CADM2: variants seen among roughly 807,000 people sequenced by gnomAD.
CADM2 encodes the protein immunoglobulin superfamily member 4D.
CADM2 carries 12 observed loss-of-function variants against 49.8 expected under a neutral mutation model. That is an observed-to-expected ratio of 0.24 (90% CI 0.15 to 0.39). CADM2 has a LOEUF of 0.39. Ranked by LOEUF, CADM2 falls within the 10% of genes least tolerant of loss-of-function variation. The pLI, the probability that CADM2 is intolerant of heterozygous loss-of-function variation, is 1.00. For missense variants in CADM2, 378 were observed against 492.3 expected (o/e 0.77, Z 2.20); for synonymous variants, 214 against 175.4 (o/e 1.22, Z -1.74).
At chr3:85,744,176 G>T (rs1384483897) in intron 2 of CADM2, among the ~76,000 whole-genome samples, 3 of 152,108 alleles carry the variant, frequency 2.0e-5, no homozygotes, top group Non-Finnish European at 2.9e-5. Context: ...GGAACTCATG[G>T]AGAGTACAAT....
chr3:85,952,167 G>A (rs1329658431), intron 7 of CADM2, among the ~76,000 whole-genome samples: 1 of 150,866 alleles, frequency 6.6e-6, no homozygotes, highest in African/African-American at 2.4e-5. Context: ...TTATTGGACA[G>A]GAGAAAATCA....
intron 1 of CADM2, among the ~76,000 whole-genome samples, chr3:85,720,042 T>C (rs964441156): frequency 7.2e-5 from 11 of 152,138 alleles, no homozygotes; most frequent in African/African-American, 2.4e-4. Context: ...AATGTTCAAC[T>C]CAAGATCCAC....
intron 1 of CADM2, among the ~76,000 whole-genome samples, chr3:85,395,064 C>T (rs1258894441): frequency 6.6e-6 from 1 of 151,370 alleles, no homozygotes; most frequent in East Asian, 1.9e-4. Context: ...TGCTGGGAAA[C>T]ACAACAACCC....
chr3:85,638,077 A>T (rs2064572586), intron 1 of CADM2, among the ~76,000 whole-genome samples: 1 of 152,184 alleles, frequency 6.6e-6, no homozygotes, highest in Non-Finnish European at 1.5e-5. Flanking sequence ...CCCTTAACAC[A>T]TCAGCATAGT....
intron 6 of CADM2, among the ~76,000 whole-genome samples, chr3:85,919,547 T>C (rs1718826557): frequency 6.6e-6 from 1 of 151,928 alleles, no homozygotes; most frequent in South Asian, 2.1e-4. Context: ...TAAAATTATA[T>C]CTTTTTAAGG....
intron 1 of CADM2, among the ~76,000 whole-genome samples, chr3:85,005,170 C>G (rs1017962239): frequency 6.6e-6 from 1 of 152,158 alleles, no homozygotes; most frequent in Admixed American, 6.6e-5. Context: ...ATTTGGCAAA[C>G]TTTTCCTTAA....
intron 1 of CADM2, among the ~76,000 whole-genome samples, chr3:85,294,838 TAGA>T (rs1377043597): frequency 2.0e-5 from 3 of 152,138 alleles, no homozygotes; most frequent in East Asian, 1.9e-4. Context: ...ATAAAAACCC[TAGA>T]AGAATACCTA....
At chr3:85,904,223 C>G (rs1716497417) in intron 5 of CADM2, among the ~76,000 whole-genome samples, 1 of 152,148 alleles carries the variant, frequency 6.6e-6, no homozygotes, top group Admixed American at 6.5e-5. Context: ...GGATTGAAAT[C>G]TCCCCTCTAT....
intron 2 of CADM2, among the ~76,000 whole-genome samples, chr3:85,730,356 C>T (rs1481466149): frequency 1.3e-5 from 2 of 152,098 alleles, no homozygotes; most frequent in Admixed American, 1.3e-4. Flanking sequence ...GCAGGAGAAT[C>T]TCTTGACCCA....
At chr3:85,689,523 C>T (rs887180701) in intron 1 of CADM2, among the ~76,000 whole-genome samples, 11 of 151,984 alleles carry the variant, frequency 7.2e-5, no homozygotes, top group Non-Finnish European at 1.5e-4. Flanking sequence ...CTGATCAGGA[C>T]GGTTTACCAG....
At chr3:85,704,907 G>C (rs2066893793) in intron 1 of CADM2, among the ~76,000 whole-genome samples, 1 of 149,738 alleles carries the variant, frequency 6.7e-6, no homozygotes, top group South Asian at 2.1e-4. Context: ...CGTCCAGGCT[G>C]GAGTGCAGTG....
At position 85,171,591 on chromosome 3, in the gene CADM2, T is replaced by C. The variant is rs534254508; in HGVS notation, c.61+211923T>C. On this transcript the variant is annotated intron_variant, in intron 1 of 9. Coordinates refer to ENST00000383699, the MANE Select transcript of CADM2 (RefSeq NM_001167675.2). The stretch of plus-strand genomic sequence containing the variant: ...ACACAGAAAGGCTTAACTCACTGGC[T>C]TACTGAGGCATAATGTAGAGATCGT... 3.9e-5 allele frequency among the ~76,000 whole-genome samples: 6 copies of C among 152,344 alleles called. No homozygotes were observed. In the South Asian group the frequency reaches 1.2e-3, roughly 32 times the overall value.
intron 2 of CADM2, among the ~76,000 whole-genome samples, chr3:85,752,051 A>G (rs1343109378): frequency 6.6e-6 from 1 of 150,750 alleles, no homozygotes; most frequent in Admixed American, 6.6e-5. Flanking sequence ...GATGTTTAAC[A>G]AAGAAGTGGA....
intron 1 of CADM2, among the ~76,000 whole-genome samples, chr3:85,152,753 C>T (rs910678885): frequency 3.3e-5 from 5 of 151,868 alleles, no homozygotes; most frequent in African/African-American, 4.8e-5. Context: ...GTCAGGAGAT[C>T]GAGACCATCC....
intron 1 of CADM2, among the ~76,000 whole-genome samples, chr3:85,322,253 C>A (rs990902850): frequency 3.9e-5 from 6 of 152,102 alleles, no homozygotes; most frequent in Non-Finnish European, 8.8e-5. Flanking sequence ...TTGCTTAATT[C>A]TTGTTGTTAT....
At chr3:85,789,299 G>T (rs1463124451) in intron 2 of CADM2, among the ~76,000 whole-genome samples, 2 of 152,094 alleles carry the variant, frequency 1.3e-5, no homozygotes, top group Non-Finnish European at 2.9e-5. Context: ...TTCTCTGGAA[G>T]GCTGCCTCTC....
rs562196787 is a variant in CADM2, at chr3:85,295,874, A to C, written c.61+336206A>C. Among the ~76,000 whole-genome samples, 29 of 152,096 alleles carry C rather than the reference A, an allele frequency of 1.9e-4. No individual in the cohort carries two copies. In the South Asian group the frequency reaches 2.3e-3, roughly 12 times the overall value. ...ACACACCAGCATGGCACATGTATAC[A>C]TATGTAACTAACCTGCACAATGTGC... On this transcript the variant is annotated intron_variant, in intron 1 of 9. Transcript: ENST00000383699.
chr3:85,193,390 TA>T (rs1280236083), intron 1 of CADM2, among the ~76,000 whole-genome samples: 1 of 152,024 alleles, frequency 6.6e-6, no homozygotes, highest in Non-Finnish European at 1.5e-5. Context: ...CAGATCTATC[TA>T]AAAAATTGTA....
chr3:85,838,330 A>G (rs1230587686), intron 3 of CADM2, among the ~76,000 whole-genome samples: 1 of 151,836 alleles, frequency 6.6e-6, no homozygotes, highest in Non-Finnish European at 1.5e-5. Context: ...GCCCTTACTC[A>G]AACATCATGA....
Sources: allele counts gnomAD v4.1 joint callset (sites outside exome capture counted in the v4.1 genomes callset), GRCh38; gene constraint gnomAD v4.1.1; transcripts MANE v1.5; gene names NCBI Gene and HGNC (gene_info 2026-07-23, HGNC 2026-07-21).